Variants in CLTCL1 observed in about 807,000 individuals in gnomAD.
CLTCL1 encodes clathrin heavy chain 2.
Under a neutral mutation model 190.0 loss-of-function variants are expected in CLTCL1, and 159 were observed. The ratio of observed to expected loss-of-function variants is 0.84; its 90% CI spans 0.74 to 0.95. The LOEUF (loss-of-function observed/expected upper bound fraction) is 0.95. CLTCL1 is among the 40% of genes least tolerant of loss of function. CLTCL1 has a pLI of 0.00. For missense variants in CLTCL1, 1,878 were observed against 2,033.4 expected (o/e 0.92, Z 1.47); for synonymous variants, 752 against 769.6 (o/e 0.98, Z 0.38).
At chr22:19,277,771 C>T (rs1468797429) in intron 1 of CLTCL1, among the ~76,000 whole-genome samples, 3 of 152,174 alleles carry the variant, frequency 2.0e-5, no homozygotes, top group African/African-American at 7.2e-5. Context: ...GCAGACACCA[C>T]CTAGTTATCC....
chr22:19,255,794 C>A (rs1251069368), intron 2 of CLTCL1, among the ~76,000 whole-genome samples: 1 of 151,154 alleles, frequency 6.6e-6, no homozygotes, highest in Non-Finnish European at 1.5e-5. Flanking sequence ...CCTGTAATCC[C>A]AGCTACTCGG....
At chr22:19,211,898 G>T (rs1206532) in intron 19 of CLTCL1, among the ~76,000 whole-genome samples, 8,565 of 146,768 alleles carry the variant, frequency 0.058, 314 homozygotes, top group Middle Eastern at 0.17. Flanking sequence ...AGAATACAAG[G>T]TCAACATACA....
At position 19,275,881 on chromosome 22, in the gene CLTCL1, G is replaced by A. The variant is rs1354995635; in HGVS notation, c.43-51C>T. 3.4e-6 allele frequency: 5 copies of A among 1,481,088 alleles called. No homozygotes were observed. In the East Asian group the frequency reaches 7.4e-5, roughly 22 times the overall value. 91.7% of individuals were successfully genotyped at this position (1,481,088 alleles called of 1,614,324 possible). A position where few individuals can be genotyped will look rare whatever the true frequency, so the allele number is the denominator to read the frequency against. On this transcript the variant is annotated intron_variant, in intron 1 of 32. Transcript: ENST00000427926. ...AAATTTTTTTCCTCTGAAATGGACT[G>A]ACTGTAGCCAAAGGCAAAAGAGGAG...
At chr22:19,278,556 G>C (rs1555984714) in intron 1 of CLTCL1, among the ~76,000 whole-genome samples, 1 of 152,118 alleles carries the variant, frequency 6.6e-6, no homozygotes, top group Admixed American at 6.6e-5. Context: ...CACAACCACT[G>C]ATACTTAGTA....
intron 3 of CLTCL1, among the ~76,000 whole-genome samples, chr22:19,245,599 C>T (rs2086395458): frequency 6.6e-6 from 1 of 152,118 alleles, no homozygotes; most frequent in Admixed American, 6.6e-5. Flanking sequence ...GAACCAAAAC[C>T]TCATCATAGT....
At chr22:19,246,293 C>G (rs1424441074) in intron 3 of CLTCL1, among the ~76,000 whole-genome samples, 2 of 152,014 alleles carry the variant, frequency 1.3e-5, no homozygotes, top group African/African-American at 4.8e-5. Context: ...ATCTCCTGAC[C>G]TCGTGATCCA....
At position 19,235,885 on chromosome 22, in the gene CLTCL1, G is replaced by C; in HGVS notation, c.796-16C>G. On this transcript the variant is annotated splice_polypyrimidine_tract_variant and intron_variant, in intron 5 of 32. Transcript: ENST00000427926. ...TAGCTCCAATCTATAAGAAGACAGA[G>C]AGCAAGAGGTTGGAAAGTAAGGAGG... 1 of 1,606,528 alleles carries C rather than the reference G, an allele frequency of 6.2e-7. No homozygotes were observed. Among genetic ancestry groups the C allele is most frequent in the Non-Finnish European group, 8.5e-7 (1 of 1,176,378 alleles).
At position 19,269,081 on chromosome 22, in the gene CLTCL1, C is replaced by T. The variant is rs373632702; in HGVS notation, c.250+6542G>A. 9.4e-5 allele frequency among the ~76,000 whole-genome samples: 13 copies of T among 137,688 alleles called. No individual in the cohort carries two copies. The South Asian group carries it at 3.0e-3, about 32-fold the overall frequency. 90.3% of individuals were successfully genotyped at this position (137,688 alleles called of 152,430 possible). A position where few individuals can be genotyped will look rare whatever the true frequency, so the allele number is the denominator to read the frequency against. On this transcript the variant is annotated intron_variant, in intron 2 of 32. Coordinates refer to ENST00000427926, the MANE Select transcript of CLTCL1 (RefSeq NM_007098.4). ...CTCCAGCCTGGGTGACAGAGCAAGACTCCTCAAAAAAAAAAAAAAAGAAGA... is the reference window on the plus strand; with the variant it reads ...CTCCAGCCTGGGTGACAGAGCAAGATTCCTCAAAAAAAAAAAAAAAGAAGA...
At chr22:19,283,429 C>T (rs1359152547) in intron 1 of CLTCL1, among the ~76,000 whole-genome samples, 2 of 151,916 alleles carry the variant, frequency 1.3e-5, no homozygotes, top group African/African-American at 4.8e-5. Flanking sequence ...TACAGGTGTC[C>T]GCCACTGCAC....
intron 30 of CLTCL1, chr22:19,182,989 C>T (rs566292698): frequency 1.5e-4 from 38 of 254,800 alleles, no homozygotes; most frequent in Non-Finnish European, 2.5e-4. Context: ...TACCACCAAC[C>T]GTATGCTAAC....
Position 19,254,173 on chromosome 22 carries a change from T to A in CLTCL1, c.305A>T (p.His102Leu), listed in dbSNP as rs1555971470. Residue 102 changes from histidine (H) to leucine (L), a missense_variant, in exon 3 of 33, where the codon CAT becomes CTT. By Grantham distance (99) the His-to-Leu change is moderately conservative (BLOSUM62 -3). Coordinates refer to ENST00000427926, the MANE Select transcript of CLTCL1 (RefSeq NM_007098.4). The part of the protein sequence containing the change: ...NIEMKSKMKA[H>L]TMAEEVIFWK... ...GAAAATCACTTCTTCTGCCATAGTATGAGCCTTCATTTTACTCTTCATCTC... is the reference window on the plus strand; with the variant it reads ...GAAAATCACTTCTTCTGCCATAGTAAGAGCCTTCATTTTACTCTTCATCTC... 1.2e-6 allele frequency: 2 copies of A among 1,613,960 alleles called. No homozygotes were observed. Among genetic ancestry groups the A allele is most frequent in the Non-Finnish European group, 1.7e-6 (2 of 1,179,826 alleles).
chr22:19,270,285 G>C (rs2087265495), intron 2 of CLTCL1, among the ~76,000 whole-genome samples: 1 of 152,164 alleles, frequency 6.6e-6, no homozygotes, highest in Non-Finnish European at 1.5e-5. Context: ...GAGGAAGAAA[G>C]CAGATGAGTT....
intron 2 of CLTCL1, among the ~76,000 whole-genome samples, chr22:19,262,540 G>T (rs1182010907): frequency 6.6e-6 from 1 of 151,458 alleles, no homozygotes; most frequent in Non-Finnish European, 1.5e-5. Flanking sequence ...GCTGAGGCAG[G>T]AGAATGGCAT....
In CLTCL1 at chr22:19,187,672, C is replaced by T; in HGVS notation, c.4491G>A (p.Gln1497=). The change falls in exon 29 of 33, where the codon CAG becomes CAA. Residue 1497 remains glutamine (Q), a synonymous_variant. Coordinates refer to ENST00000427926, the MANE Select transcript of CLTCL1 (RefSeq NM_007098.4). The part of the protein sequence containing the change: ...YDNFDNISLA[Q]QLEKHQLMEF... ...CCATCAGCTGATGCTTCTCCAGCTG[C>T]TGAGCCAGGCTGATGTTGTCAAAGT... 1 of 1,613,864 alleles carries T rather than the reference C, an allele frequency of 6.2e-7. No individual in the cohort carries two copies. Among genetic ancestry groups the T allele is most frequent in the Non-Finnish European group, 8.5e-7 (1 of 1,179,898 alleles).
At chr22:19,280,754 G>A (rs1434153468) in intron 1 of CLTCL1, among the ~76,000 whole-genome samples, 2 of 149,686 alleles carry the variant, frequency 1.3e-5, no homozygotes, top group African/African-American at 4.9e-5. Context: ...AGGAGGTGGA[G>A]GTTGCAGTGT....
intron 30 of CLTCL1, chr22:19,181,453 A>T (rs1368488284): frequency 6.6e-6 from 1 of 152,358 alleles, no homozygotes; most frequent in Admixed American, 6.5e-5. Flanking sequence ...AGAAAGAGAA[A>T]TAAGAATGTG....
At chr22:19,201,237 C>T (rs1481455439) in intron 23 of CLTCL1, 92 bp downstream of exon 23, 28 of 1,419,282 alleles carry the variant, frequency 2.0e-5, no homozygotes, top group African/African-American at 4.3e-5. Context: ...GGCAAGAGAC[C>T]GGCACCCAGA....
intron 22 of CLTCL1, among the ~76,000 whole-genome samples, chr22:19,205,809 A>C (rs2085030072): frequency 6.6e-6 from 1 of 152,216 alleles, no homozygotes; most frequent in African/African-American, 2.4e-5. Flanking sequence ...ATTTTTAAAA[A>C]ATTTTAAGGA....
chr22:19,291,424 T>C (rs2146435856), intron 1 of CLTCL1, among the ~76,000 whole-genome samples, 176 bp downstream of exon 1: 1 of 152,170 alleles, frequency 6.6e-6, no homozygotes, highest in Admixed American at 6.5e-5. Context: ...AAGCGGGTCC[T>C]CAGGAGCGGC....
Sources: allele counts gnomAD v4.1 joint callset (sites outside exome capture counted in the v4.1 genomes callset), GRCh38; gene constraint gnomAD v4.1.1; transcripts MANE v1.5; gene names NCBI Gene and HGNC (gene_info 2026-07-23, HGNC 2026-07-21).